The following RYR3 variants were observed in gnomAD, a reference collection of about 807,000 sequenced individuals.
The protein encoded by RYR3 is brain ryanodine receptor-calcium release channel.
RYR3 carries 207 observed loss-of-function variants against 584.3 expected under a neutral mutation model. The observed-to-expected ratio is 0.35, with a 90% CI of 0.32 to 0.40. The LOEUF is 0.40. Among genes scored for constraint, RYR3 ranks in the 10% least tolerant of loss-of-function variants. RYR3 has a pLI of 1.00. For synonymous variants in RYR3, 2,416 were observed against 2,248.5 expected, an observed-to-expected ratio of 1.07 and a Z score of -2.11; for missense variants, 5,616 against 6,089.2, an observed-to-expected ratio of 0.92 and a Z score of 2.59.
At chr15:33,858,293 C>G (rs987176887) in intron 99 of RYR3, 15 of 184,188 alleles carry the variant, frequency 8.1e-5, no homozygotes, top group Non-Finnish European at 2.3e-5. Flanking sequence ...CAACCTCCGC[C>G]TCTCAGGTTC....
chr15:33,413,707 T>C (rs2043573724), intron 1 of RYR3, among the ~76,000 whole-genome samples: 1 of 152,220 alleles, frequency 6.6e-6, no homozygotes, highest in Non-Finnish European at 1.5e-5. Flanking sequence ...GCAGCAGGCC[T>C]GTGGTCCTGT....
intron 92 of RYR3, among the ~76,000 whole-genome samples, chr15:33,843,914 A>G (rs934030423): frequency 5.5e-4 from 84 of 152,232 alleles, no homozygotes; most frequent in African/African-American, 1.9e-3. Context: ...TCTTCAAGGA[A>G]TAAGGTAACC....
At chr15:33,820,405 G>T (rs1007788820) in intron 77 of RYR3, among the ~76,000 whole-genome samples, 9 of 152,166 alleles carry the variant, frequency 5.9e-5, no homozygotes, top group African/African-American at 2.2e-4. Context: ...CATGCCCTTG[G>T]GGCTGTATCT....
intron 93 of RYR3, among the ~76,000 whole-genome samples, chr15:33,847,770 T>C (rs1378101799): frequency 2.0e-5 from 3 of 152,218 alleles, no homozygotes; most frequent in African/African-American, 7.2e-5. Context: ...GAAAACTTCA[T>C]ACAGAAAGAC....
chr15:33,387,801 T>C (rs1030899563), intron 1 of RYR3, among the ~76,000 whole-genome samples: 3 of 152,120 alleles, frequency 2.0e-5, no homozygotes, highest in Non-Finnish European at 4.4e-5. Context: ...TATAACTGTA[T>C]AATGTTTTTT....
At chr15:33,853,932 A>G (rs2079369546) in intron 96 of RYR3, among the ~76,000 whole-genome samples, 1 of 152,102 alleles carries the variant, frequency 6.6e-6, no homozygotes, top group Non-Finnish European at 1.5e-5. Flanking sequence ...AGTGGCTCAT[A>G]CCTGTAATCC....
chr15:33,750,404 C>A (rs1225069119), intron 57 of RYR3, 118 bp downstream of exon 57: 1 of 1,011,366 alleles, frequency 9.9e-7, no homozygotes, highest in Non-Finnish European at 1.4e-6. Context: ...AAAATGAGAA[C>A]ATTTTTATTT....
At chr15:33,634,524 A>T in intron 24 of RYR3, 62 bp from the exon 25 acceptor site, 1 of 1,560,016 alleles carries the variant, frequency 6.4e-7, no homozygotes, top group Non-Finnish European at 8.8e-7. Context: ...ATATGTGAAT[A>T]GGGTGAGCTG....
In RYR3 at chr15:33,470,808, C is replaced by A. The variant is rs556532432; in HGVS notation, c.52-2611C>A. 2.0e-5 allele frequency among the ~76,000 whole-genome samples: 3 copies of A among 152,226 alleles called. No homozygotes were observed. In the South Asian group the frequency reaches 6.2e-4, roughly 32 times the overall value. On this transcript the variant is annotated intron_variant, in intron 1 of 103. Transcript: ENST00000634891. ...GGCAGACTTCTGGGAAAAGGAGATACAAAATGTGGAAGAATTTGCAGCCTT... is the reference window on the plus strand; with the variant it reads ...GGCAGACTTCTGGGAAAAGGAGATAAAAAATGTGGAAGAATTTGCAGCCTT...
intron 1 of RYR3, among the ~76,000 whole-genome samples, chr15:33,438,433 G>T (rs77901685): frequency 0.053 from 8,097 of 152,038 alleles, 666 homozygotes; most frequent in African/African-American, 0.18. Context: ...TGTGCCTGGT[G>T]CCTGGCCTGT....
intron 27 of RYR3, among the ~76,000 whole-genome samples, chr15:33,636,773 A>G (rs1260658078): frequency 6.6e-6 from 1 of 152,252 alleles, no homozygotes; most frequent in African/African-American, 2.4e-5. Context: ...CTGAACTCTC[A>G]GATAGGTTAA....
At position 33,810,984 on chromosome 15, in the gene RYR3, A is replaced by G; in HGVS notation, c.10204A>G (p.Thr3402Ala). 6.2e-7 allele frequency: 1 copy of G among 1,607,562 alleles called. No homozygotes were observed. Among genetic ancestry groups the G allele is most frequent in the East Asian group, 2.2e-5 (1 of 44,726 alleles). Residue 3402 changes from threonine (T) to alanine (A), a missense_variant, in exon 72 of 104, where the codon ACA becomes GCA. Thr to Ala is a moderately conservative substitution (Grantham distance 58). Transcript: ENST00000634891. ...LAKSRYSHRD[T>A]DEEVREHLRN... The stretch of plus-strand genomic sequence containing the variant: ...CTGACATCTCTTTCCACAGAGGGAC[A>G]CAGATGAAGAGGTCAGAGAACATCT...
At chr15:33,595,832 T>C (rs7164344) in intron 16 of RYR3, among the ~76,000 whole-genome samples, 1 of 151,840 alleles carries the variant, frequency 6.6e-6, no homozygotes, top group East Asian at 1.9e-4. Flanking sequence ...TAAAAAAAAA[T>C]TTATCTCAGT....
At chr15:33,819,428 T>A (rs1370336435) in intron 76 of RYR3, among the ~76,000 whole-genome samples, 1 of 152,090 alleles carries the variant, frequency 6.6e-6, no homozygotes, top group East Asian at 1.9e-4. Flanking sequence ...TTCCAGCATT[T>A]TGGGAGGCCA....
intron 3 of RYR3, among the ~76,000 whole-genome samples, chr15:33,529,663 G>A (rs1298839330): frequency 1.3e-5 from 2 of 152,204 alleles, no homozygotes; most frequent in African/African-American, 4.8e-5. Context: ...TCTCCAAAAA[G>A]GGTGTGTGAT....
chr15:33,558,719 T>C (rs1040485954), intron 10 of RYR3, among the ~76,000 whole-genome samples: 27 of 152,186 alleles, frequency 1.8e-4, no homozygotes, highest in Non-Finnish European at 3.5e-4. Context: ...GCAGCTAGTA[T>C]ACCAACAACA....
At chr15:33,314,711 G>A (rs1967850248) in intron 1 of RYR3, among the ~76,000 whole-genome samples, 1 of 151,882 alleles carries the variant, frequency 6.6e-6, no homozygotes, top group African/African-American at 2.4e-5. Context: ...TCAGGAGATC[G>A]AGACCATCCT....
At chr15:33,862,432 C>G (rs115522194) in intron 102 of RYR3, among the ~76,000 whole-genome samples, 2,940 of 152,192 alleles carry the variant, frequency 0.019, 84 homozygotes, top group South Asian at 0.12. Flanking sequence ...ATCTCGAACT[C>G]CTGAGCTCAA....
At chr15:33,814,704 G>A (rs898714019) in intron 74 of RYR3, among the ~76,000 whole-genome samples, 5 of 152,026 alleles carry the variant, frequency 3.3e-5, no homozygotes, top group Non-Finnish European at 7.4e-5. Context: ...ATTGAGACCA[G>A]CCTGGCCAAC....
Sources: gnomAD v4.1 joint callset for allele counts (sites outside exome capture counted in the v4.1 genomes callset) on GRCh38, gnomAD v4.1.1 for gene constraint, MANE v1.5 for transcripts, NCBI Gene and HGNC (gene_info 2026-07-23, HGNC 2026-07-21) for gene names.